HEATR3: variants seen among roughly 807,000 people sequenced by gnomAD.
HEATR3 encodes the protein HEAT repeat containing 3, also known as HEAT repeat-containing protein 3.
A neutral mutation model predicts 72.8 loss-of-function variants in HEATR3; 56 were observed. The observed-to-expected ratio is 0.77, with a 90% CI of 0.62 to 0.96. The LOEUF (loss-of-function observed/expected upper bound fraction) is 0.96. Among genes scored for constraint, HEATR3 ranks in the 40% least tolerant of loss-of-function variants. The probability of loss-of-function intolerance (pLI) is 0.00; values close to 1 mark genes in which losing one functional copy is unlikely to be tolerated. For synonymous variants in HEATR3, 331 were observed against 318.1 expected (o/e 1.04, Z -0.43); for missense variants, 747 against 831.4 (o/e 0.90, Z 1.25).
chr16:50,089,472 G>T (rs1486876735), intron 11 of HEATR3, among the ~76,000 whole-genome samples: 1 of 152,110 alleles, frequency 6.6e-6, no homozygotes, highest in Non-Finnish European at 1.5e-5. Context: ...ATACCTCTGG[G>T]CTGTCCAGCT....
At chr16:50,088,474 A>G (rs546474054) in intron 11 of HEATR3, among the ~76,000 whole-genome samples, 1 of 152,326 alleles carries the variant, frequency 6.6e-6, no homozygotes, top group Non-Finnish European at 1.5e-5. Flanking sequence ...GGATATAGTC[A>G]GGATATGGGC....
In HEATR3 at chr16:50,078,956, A is replaced by T; in HGVS notation, c.979A>T (p.Met327Leu). 6.2e-7 allele frequency: 1 copy of T among 1,613,926 alleles called. No individual in the cohort carries two copies. The highest frequency in any genetic ancestry group is 8.5e-7 in the Non-Finnish European group (1 of 1,179,954). The change falls in exon 7 of 15, where the codon ATG (methionine) becomes TTG (leucine). Residue 327 changes from methionine to leucine, a missense_variant. Transcript: ENST00000299192. ...NGDDLIEDDE[M>L]EGISHKRRVR... The stretch of plus-strand genomic sequence containing the variant: ...GGATGATTTGATTGAAGATGATGAA[A>T]TGGAAGGAATTTCTCATAAAAGAAG...
chr16:50,083,145 A>T (rs2150608703), intron 7 of HEATR3, among the ~76,000 whole-genome samples: 1 of 152,344 alleles, frequency 6.6e-6, no homozygotes, highest in Non-Finnish European at 1.5e-5. Flanking sequence ...AAGGGGGAAA[A>T]AAAAAGACAA....
chr16:50,072,797 A>G (rs1038765399), intron 5 of HEATR3, 83 bp downstream of exon 5: 79 of 820,992 alleles, frequency 9.6e-5, no homozygotes, highest in Non-Finnish European at 1.3e-5. Flanking sequence ...TGTTTATTCC[A>G]CTGGAGTGAT....
chr16:50,066,692 C>T (rs2036505363), intron 2 of HEATR3, 153 bp downstream of exon 2: 1 of 667,228 alleles, frequency 1.5e-6, no homozygotes, highest in Non-Finnish European at 2.1e-6. Context: ...TCTCCAGGCT[C>T]CGGAGAAGCC....
intron 11 of HEATR3, among the ~76,000 whole-genome samples, chr16:50,090,322 C>G (rs1044791793): frequency 6.6e-6 from 1 of 151,980 alleles, no homozygotes; most frequent in Non-Finnish European, 1.5e-5. Context: ...CTACTGTACT[C>G]CAGCCTGGGC....
At chr16:50,077,259 A>G (rs1459729868) in intron 6 of HEATR3, among the ~76,000 whole-genome samples, 1 of 151,478 alleles carries the variant, frequency 6.6e-6, no homozygotes, top group Non-Finnish European at 1.5e-5. Flanking sequence ...TGATTGGCCC[A>G]TCTCGACCTC....
intron 11 of HEATR3, among the ~76,000 whole-genome samples, chr16:50,094,153 G>T (rs944696724): frequency 6.6e-6 from 1 of 152,188 alleles, no homozygotes; most frequent in Admixed American, 6.5e-5. Context: ...CTGGTGTTCT[G>T]TTTGTCCCGT....
chr16:50,079,193 G>C (rs2036811451), intron 7 of HEATR3, among the ~76,000 whole-genome samples, 175 bp downstream of exon 7: 1 of 151,978 alleles, frequency 6.6e-6, no homozygotes, highest in Non-Finnish European at 1.5e-5. Flanking sequence ...ATCTCCTAAA[G>C]GGGGAAAAAA....
chr16:50,087,541 A>G (rs1220779601), intron 11 of HEATR3, among the ~76,000 whole-genome samples: 1 of 151,722 alleles, frequency 6.6e-6, no homozygotes, highest in Non-Finnish European at 1.5e-5. Context: ...AACAAAAACA[A>G]GAGAGACTGA....
intron 2 of HEATR3, among the ~76,000 whole-genome samples, chr16:50,067,713 T>C (rs943632108): frequency 2.0e-5 from 3 of 152,060 alleles, no homozygotes; most frequent in African/African-American, 4.8e-5. Flanking sequence ...AGAGTAGAGG[T>C]TAGTATTTGT....
chr16:50,104,646 G>C (rs2037440858), intron 14 of HEATR3, among the ~76,000 whole-genome samples: 1 of 152,134 alleles, frequency 6.6e-6, no homozygotes, highest in Non-Finnish European at 1.5e-5. Context: ...CCTTTCAGAG[G>C]TTAGGGGTTA....
At chr16:50,071,295 T>A (rs1372680371) in intron 4 of HEATR3, among the ~76,000 whole-genome samples, 2 of 152,216 alleles carry the variant, frequency 1.3e-5, no homozygotes, top group African/African-American at 4.8e-5. Flanking sequence ...GAATACAAGA[T>A]TAAGTTGGAT....
intron 11 of HEATR3, among the ~76,000 whole-genome samples, chr16:50,092,436 C>CTTTTTTTTTTTTTTT (rs375532097): frequency 1.5e-4 from 16 of 106,020 alleles, no homozygotes; most frequent in African/African-American, 3.3e-4. Context: ...TTTCTTTTTT[C>CTTTTTTTTTTTTTTT]TTTTTTTTTT....
At chr16:50,078,109 T>G (rs1252706014) in intron 6 of HEATR3, among the ~76,000 whole-genome samples, 4 of 152,086 alleles carry the variant, frequency 2.6e-5, no homozygotes, top group Admixed American at 2.6e-4. Context: ...ACTCCTGACC[T>G]CGAGTGATCC....
chr16:50,084,032 G>A lies in HEATR3; in HGVS notation c.1132+5G>A. On this transcript the variant is annotated splice_donor_5th_base_variant and intron_variant, in intron 8 of 14. Transcript: ENST00000299192. The stretch of plus-strand genomic sequence containing the variant: ...TCAACATGTGCTGCAATGAAGGTTT[G>A]TTAACATTTACATTTAGACATTTTC... 1 of 1,613,506 alleles carries A rather than the reference G, an allele frequency of 6.2e-7. No individual in the cohort carries two copies. The highest frequency in any genetic ancestry group is 8.5e-7 in the Non-Finnish European group (1 of 1,179,878).
rs143567516 is a variant in HEATR3, at chr16:50,076,345, G to A, written c.763+634G>A. On this transcript the variant is annotated intron_variant, in intron 6 of 14. Transcript: ENST00000299192. ...TGGAATTACAAGCGTGCGCCACCACGCTCAGCTAATTTCTGTATTTTTGGT... is the reference window on the plus strand; with the variant it reads ...TGGAATTACAAGCGTGCGCCACCACACTCAGCTAATTTCTGTATTTTTGGT... Among the ~76,000 whole-genome samples, 248 of 151,880 alleles carry A rather than the reference G, an allele frequency of 1.6e-3. 1 individual carries two copies. Among genetic ancestry groups the A allele is most frequent in the African/African-American group, 5.5e-3 (227 of 41,430 alleles).
intron 12 of HEATR3, among the ~76,000 whole-genome samples, chr16:50,096,341 A>C (rs1428644048): frequency 1.3e-5 from 1 of 75,498 alleles, no homozygotes; most frequent in Non-Finnish European, 2.8e-5. Context: ...AAAAAAAAAA[A>C]AAAACAGAAA....
chr16:50,068,973 G>T (rs781207036), intron 3 of HEATR3, 106 bp downstream of exon 3: 6 of 729,724 alleles, frequency 8.2e-6, no homozygotes, highest in Non-Finnish European at 9.4e-6. Context: ...AACATCTTAT[G>T]GAAATTTCAT....
Sources: gnomAD v4.1 joint callset for allele counts (sites outside exome capture counted in the v4.1 genomes callset) on GRCh38, gnomAD v4.1.1 for gene constraint, MANE v1.5 for transcripts, NCBI Gene and HGNC (gene_info 2026-07-23, HGNC 2026-07-21) for gene names.